TMEM80: variants seen among roughly 807,000 people sequenced by gnomAD.
TMEM80 encodes transmembrane protein 80.
In TMEM80, 16 loss-of-function variants were observed where a neutral mutation model predicts 13.6. That is an observed-to-expected ratio of 1.17 (90% CI 0.79 to 1.78). The LOEUF (loss-of-function observed/expected upper bound fraction) is 1.78. Among genes scored for constraint, TMEM80 ranks in the 40% most tolerant of loss-of-function variants. The pLI, the probability that TMEM80 is intolerant of heterozygous loss-of-function variation, is 0.00. For synonymous variants in TMEM80, 92 were observed against 89.5 expected, an observed-to-expected ratio of 1.03 and a Z score of -0.16; for missense variants, 167 against 184.6, an observed-to-expected ratio of 0.90 and a Z score of 0.55.
intron 3 of TMEM80, 47 bp from the exon 4 acceptor site, chr11:700,568 C>T: frequency 6.9e-7 from 1 of 1,449,966 alleles, no homozygotes; most frequent in Non-Finnish European, 9.7e-7. Flanking sequence ...GTGGCTGCTG[C>T]TGCTGTGCCA....
At chr11:699,114 G>A (rs767300347) in intron 2 of TMEM80, 143 of 528,668 alleles carry the variant, frequency 2.7e-4, no homozygotes, top group Non-Finnish European at 3.9e-4. Context: ...GGCTAAGCAC[G>A]CCACACTGCC....
At chr11:698,469 G>A (rs932692735) in intron 1 of TMEM80, among the ~76,000 whole-genome samples, 2 of 152,240 alleles carry the variant, frequency 1.3e-5, no homozygotes, top group African/African-American at 4.8e-5. Flanking sequence ...ACCTAAGTCA[G>A]AAAAGGTTTT....
chr11:698,788 G>T (rs1861313673), intron 1 of TMEM80, 81 bp from the exon 2 acceptor site: 20 of 1,509,094 alleles, frequency 1.3e-5, no homozygotes, highest in Non-Finnish European at 1.8e-5. Flanking sequence ...AAGCAGGGGT[G>T]GTTCCTGTCA....
downstream of TMEM80, chr11:704,470 G>C: frequency 1.6e-6 from 2 of 1,289,356 alleles, no homozygotes; most frequent in African/African-American, 1.5e-5. Context: ...GGACAGCCCT[G>C]AGGACCCACT....
intron 1 of TMEM80, among the ~76,000 whole-genome samples, chr11:697,033 G>A (rs1418156241): frequency 4.0e-5 from 6 of 151,152 alleles, no homozygotes; most frequent in African/African-American, 1.5e-4. Flanking sequence ...GTGGGGTGCG[G>A]AGGTTGCAGT....
intron 4 of TMEM80, chr11:701,006 T>C (rs1861432228): frequency 1.5e-5 from 7 of 465,650 alleles, no homozygotes; most frequent in Non-Finnish European, 1.6e-5. Context: ...CACCACCACA[T>C]CTGGAGCTCC....
intron 1 of TMEM80, among the ~76,000 whole-genome samples, chr11:698,274 C>T (rs1022675079): frequency 6.6e-6 from 1 of 152,050 alleles, no homozygotes; most frequent in Non-Finnish European, 1.5e-5. Context: ...AGAGACTCCA[C>T]TCACTCCTCG....
intron 3 of TMEM80, 69 bp downstream of exon 3, chr11:700,304 A>G: frequency 1.4e-6 from 2 of 1,401,130 alleles, no homozygotes; most frequent in South Asian, 1.2e-5. Flanking sequence ...AGGTGGGCGG[A>G]TCACTTGAGG....
In TMEM80 at chr11:700,620, G is replaced by A; in HGVS notation, c.139G>A (p.Val47Met). The A allele has an allele frequency of 6.2e-7, 1 of 1,613,984 alleles. No individual in the cohort carries two copies. Among genetic ancestry groups the A allele is most frequent in the Non-Finnish European group, 8.5e-7 (1 of 1,179,948 alleles). ...TLLMITYKSQ[V>M]FSYPHRYLVL... ...TCCGCGCCTCTGCTCTTCAGGTCAGGTGTTCAGCTATCCTCACCGCTACCT... is the reference window on the plus strand; with the variant it reads ...TCCGCGCCTCTGCTCTTCAGGTCAGATGTTCAGCTATCCTCACCGCTACCT... The change falls in exon 4 of 5, where the codon GTG (valine) becomes ATG (methionine). Residue 47 changes from valine to methionine, a missense_variant. Coordinates refer to ENST00000397510, the MANE Select transcript of TMEM80 (RefSeq NM_001042463.3).
chr11:702,624 C>T (rs12285108), intron 4 of TMEM80, among the ~76,000 whole-genome samples: 87 of 152,350 alleles, frequency 5.7e-4, no homozygotes, highest in African/African-American at 1.5e-3. Context: ...ATTAGGAAAA[C>T]GTGGCAGATG....
chr11:700,978 G>C, intron 4 of TMEM80: 1 of 433,142 alleles, frequency 2.3e-6, no homozygotes, highest in Non-Finnish European at 4.0e-6. Flanking sequence ...ATGGCACTGA[G>C]ATCAGAAAAG....
Position 700,726 on chromosome 11 carries a change from C to T in TMEM80, c.226+19C>T, listed in dbSNP as rs1263330195. The T allele has an allele frequency of 6.3e-7, 1 of 1,585,222 alleles. No homozygotes were observed. Among genetic ancestry groups the T allele is most frequent in the Non-Finnish European group, 8.7e-7 (1 of 1,153,774 alleles). ...TACCTGGGTGAGTGGACTGTTAACA[C>T]CGTGAAGAACCTGTCCTAAGAGTTG... On this transcript the variant is annotated intron_variant, in intron 4 of 4. Coordinates refer to ENST00000397510, the MANE Select transcript of TMEM80 (RefSeq NM_001042463.3).
At chr11:698,126 C>T (rs7115073) in intron 1 of TMEM80, 8,729 of 152,560 alleles carry the variant, frequency 0.057, 384 homozygotes, top group East Asian at 0.16. Context: ...GGTATCTACA[C>T]ATGGAGGGAC....
At chr11:697,432 A>G (rs1861249030) in intron 1 of TMEM80, 1 of 152,268 alleles carries the variant, frequency 6.6e-6, no homozygotes, top group Non-Finnish European at 1.5e-5. Flanking sequence ...AGCCAAGGCT[A>G]CGTTCGGTCA....
intron 2 of TMEM80, chr11:699,870 T>C: frequency 2.3e-6 from 1 of 440,942 alleles, no homozygotes; most frequent in Non-Finnish European, 4.1e-6. Flanking sequence ...ACCAGTCCTG[T>C]CCACAGTCAG....
intron 1 of TMEM80, among the ~76,000 whole-genome samples, chr11:696,599 TAAAAA>T (rs879499347): frequency 6.9e-6 from 1 of 145,864 alleles, no homozygotes; most frequent in Non-Finnish European, 1.5e-5. Flanking sequence ...ACCCCCTCTA[TAAAAA>T]AAAAACTGTA....
At chr11:700,986 AAG>A (rs1317790034) in intron 4 of TMEM80, 3 of 211,754 alleles carry the variant, frequency 1.4e-5, no homozygotes, top group African/African-American at 2.2e-4. Context: ...GAGATCAGAA[AAG>A]CCCAGCCCAC....
rs114644837 is a variant in TMEM80, at chr11:695,908, G to C, written c.19+62G>C. On this transcript the variant is annotated intron_variant, in intron 1 of 4. Transcript: ENST00000397510. ...GCGGCGGGCGCGGCGTTTCCCTGTG[G>C]TGACAATCCGGTTTCCGCTTTCGGT... is the stretch of plus-strand genomic sequence containing the variant. 1,959 of 1,183,964 alleles carry C rather than the reference G, an allele frequency of 1.7e-3. 31 individuals are homozygous for C. The African/African-American group carries it at 0.028, about 17-fold the overall frequency. The allele number at this position is 1,183,964 out of a possible 1,614,324, so 73.3% of individuals were successfully genotyped here.
At chr11:699,014 G>A in intron 2 of TMEM80, 126 bp downstream of exon 2, 2 of 1,156,008 alleles carry the variant, frequency 1.7e-6, no homozygotes, top group Non-Finnish European at 2.6e-6. Flanking sequence ...GGAGAGGGGG[G>A]TGTTCCTTGA....
Sources: allele counts gnomAD v4.1 joint callset (sites outside exome capture counted in the v4.1 genomes callset), GRCh38; gene constraint gnomAD v4.1.1; transcripts MANE v1.5; gene names NCBI Gene and HGNC (gene_info 2026-07-23, HGNC 2026-07-21).